Variants in LUZP2 observed in about 807,000 individuals in gnomAD.
LUZP2 encodes leucine zipper protein 2.
A neutral mutation model predicts 51.6 loss-of-function variants in LUZP2; 52 were observed. The observed-to-expected ratio is 1.01, with a 90% confidence interval of 0.81 to 1.27. The LOEUF is 1.27. Among genes scored for constraint, LUZP2 ranks in the 50% most tolerant of loss-of-function variants. The pLI is 0.00. For synonymous variants in LUZP2, 154 were observed against 137.3 expected (o/e 1.12, Z -0.85); for missense variants, 436 against 395.4 (o/e 1.10, Z -0.87).
intron 10 of LUZP2, among the ~76,000 whole-genome samples, chr11:25,071,351 A>T (rs1326904321): frequency 6.6e-6 from 1 of 151,868 alleles, no homozygotes; most frequent in Non-Finnish European, 1.5e-5. Context: ...CATATGTAAC[A>T]AACCTGTACA....
At chr11:24,722,998 C>T (rs951012818) in intron 1 of LUZP2, among the ~76,000 whole-genome samples, 2 of 151,834 alleles carry the variant, frequency 1.3e-5, no homozygotes, top group Non-Finnish European at 1.5e-5. Context: ...CATAAAAGGG[C>T]TCATGTGTGG....
chr11:24,520,832 A>G (rs368208349), intron 1 of LUZP2, among the ~76,000 whole-genome samples: 2 of 152,296 alleles, frequency 1.3e-5, no homozygotes, highest in East Asian at 3.9e-4. Context: ...CTCCCATTGC[A>G]TGGGGAATAG....
intron 5 of LUZP2, among the ~76,000 whole-genome samples, chr11:24,850,361 C>A (rs1037242777): frequency 6.6e-6 from 1 of 152,152 alleles, no homozygotes; most frequent in Admixed American, 6.6e-5. Context: ...GTTTTTCCAG[C>A]ACCATTCATT....
intron 1 of LUZP2, among the ~76,000 whole-genome samples, chr11:24,629,827 C>T (rs965887188): frequency 3.3e-5 from 5 of 151,726 alleles, no homozygotes; most frequent in African/African-American, 1.2e-4. Flanking sequence ...TATAAGTGTT[C>T]CCTTTTCTTC....
chr11:24,712,442 ACAT>A (rs1857870249), intron 1 of LUZP2, among the ~76,000 whole-genome samples: 1 of 152,176 alleles, frequency 6.6e-6, no homozygotes, highest in African/African-American at 2.4e-5. Context: ...AATTCCCAAC[ACAT>A]CATCATCAAG....
chr11:24,855,416 G>A (rs1381722673), intron 5 of LUZP2, among the ~76,000 whole-genome samples: 1 of 152,120 alleles, frequency 6.6e-6, no homozygotes, highest in Non-Finnish European at 1.5e-5. Context: ...AACCCAGAGG[G>A]TGAAATATCT....
chr11:24,993,356 A>G (rs1467602732), intron 9 of LUZP2, among the ~76,000 whole-genome samples: 1 of 152,182 alleles, frequency 6.6e-6, no homozygotes, highest in Non-Finnish European at 1.5e-5. Context: ...AAAGCAGTCA[A>G]TACCAAAACT....
intron 9 of LUZP2, among the ~76,000 whole-genome samples, chr11:25,026,431 T>C (rs1857494483): frequency 6.6e-6 from 1 of 152,208 alleles, no homozygotes; most frequent in South Asian, 2.1e-4. Context: ...ATTATTAGAT[T>C]GTGAATACTA....
intron 1 of LUZP2, among the ~76,000 whole-genome samples, chr11:24,664,324 A>G (rs1856138237): frequency 6.6e-6 from 1 of 152,190 alleles, no homozygotes; most frequent in Non-Finnish European, 1.5e-5. Context: ...TATCATGTGT[A>G]AGAAATTTCT....
At chr11:24,754,493 T>C (rs1859701900) in intron 4 of LUZP2, among the ~76,000 whole-genome samples, 1 of 152,158 alleles carries the variant, frequency 6.6e-6, no homozygotes, top group Non-Finnish European at 1.5e-5. Flanking sequence ...CTCTGTTTTG[T>C]ATCAACAGGG....
intron 5 of LUZP2, chr11:24,891,444 TTGGTTCCTAA>T (rs1392711259): frequency 1.0e-6 from 1 of 958,312 alleles, no homozygotes; most frequent in African/African-American, 1.8e-5. Flanking sequence ...AAAACACCTT[TTGGTTCCTAA>T]TAAGGGAAGA....
chr11:24,788,938 C>T (rs892838052), intron 5 of LUZP2, among the ~76,000 whole-genome samples: 1 of 152,148 alleles, frequency 6.6e-6, no homozygotes, highest in Non-Finnish European at 1.5e-5. Context: ...CAAATCTCAT[C>T]AAAAAATGCC....
chr11:24,998,296 T>G (rs960934997), intron 9 of LUZP2, among the ~76,000 whole-genome samples: 11 of 152,214 alleles, frequency 7.2e-5, no homozygotes, highest in Non-Finnish European at 1.2e-4. Context: ...TTTATTTCAT[T>G]GAGCAGTGGT....
chr11:24,774,459 C>T (rs1418097950), intron 5 of LUZP2, among the ~76,000 whole-genome samples: 1 of 121,564 alleles, frequency 8.2e-6, no homozygotes, highest in African/African-American at 3.1e-5. Context: ...AGAATATATT[C>T]TTTATATATC....
chr11:24,659,505 G>A (rs1453769003), intron 1 of LUZP2, among the ~76,000 whole-genome samples: 2 of 151,620 alleles, frequency 1.3e-5, no homozygotes, highest in Non-Finnish European at 2.9e-5. Context: ...CACCAACATG[G>A]CACATGTATA....
chr11:24,694,778 G>A (rs572556870), intron 1 of LUZP2, among the ~76,000 whole-genome samples: 29 of 152,134 alleles, frequency 1.9e-4, no homozygotes, highest in Non-Finnish European at 4.0e-4. Context: ...TCAGGGACAT[G>A]GATGAAGCTG....
chr11:24,578,041 C>A (rs1852716678), intron 1 of LUZP2, among the ~76,000 whole-genome samples: 1 of 151,894 alleles, frequency 6.6e-6, no homozygotes, highest in African/African-American at 2.4e-5. Context: ...TTTATGCTCA[C>A]AATAAAATCT....
In LUZP2 at chr11:25,021,305, A is replaced by G. The variant is rs903346327; in HGVS notation, c.766-28733A>G. On this transcript the variant is annotated intron_variant, in intron 9 of 11. Coordinates refer to ENST00000336930, the MANE Select transcript of LUZP2 (RefSeq NM_001009909.4). ...AAGGATAATTGGGAATTTGTCAGAA[A>G]AAAAAAAAGGATGTTTTGGGAAGTA... is the stretch of plus-strand genomic sequence containing the variant. Among the ~76,000 whole-genome samples the G allele has an allele frequency of 7.1e-5, 4 of 56,342 alleles. No homozygotes were observed. In the Admixed American group the frequency reaches 8.0e-4, roughly 11 times the overall value. 37.0% of individuals were successfully genotyped at this position (56,342 alleles called of 152,430 possible). A position where few individuals can be genotyped will look rare whatever the true frequency, so the allele number is the denominator to read the frequency against.
At chr11:24,811,594 C>T (rs143228102) in intron 5 of LUZP2, among the ~76,000 whole-genome samples, 2 of 151,582 alleles carry the variant, frequency 1.3e-5, no homozygotes, top group East Asian at 1.9e-4. Flanking sequence ...ATTATTTTGT[C>T]GCTGAGGTAA....
Sources: gnomAD v4.1 joint callset for allele counts (sites outside exome capture counted in the v4.1 genomes callset) on GRCh38, gnomAD v4.1.1 for gene constraint, MANE v1.5 for transcripts, NCBI Gene and HGNC (gene_info 2026-07-23, HGNC 2026-07-21) for gene names.